The following ABCA12 variants were observed in gnomAD, a reference collection of about 807,000 sequenced individuals.
The protein encoded by ABCA12 is glucosylceramide transporter ABCA12.
In ABCA12, 156 loss-of-function variants were observed where a neutral mutation model predicts 293.5. The ratio of observed to expected loss-of-function variants is 0.53; its 90% confidence interval spans 0.47 to 0.61. The LOEUF is 0.61. Ranked by LOEUF, ABCA12 falls within the 20% of genes least tolerant of loss-of-function variation. The pLI, the probability that ABCA12 is intolerant of heterozygous loss-of-function variation, is 0.00. For missense variants in ABCA12, 2,797 were observed against 3,090.2 expected, an observed-to-expected ratio of 0.91 and a Z score of 2.25; for synonymous variants, 1,063 against 1,108.0, an observed-to-expected ratio of 0.96 and a Z score of 0.81.
chr2:214,956,539 C>T (rs1698953983), intron 42 of ABCA12, 124 bp downstream of exon 42: 4 of 695,330 alleles, frequency 5.8e-6, no homozygotes, highest in African/African-American at 5.4e-5. Context: ...TGTTGTTAGT[C>T]ATCACTCATG....
intron 2 of ABCA12, among the ~76,000 whole-genome samples, chr2:215,070,063 C>A (rs755010955): frequency 2.6e-5 from 4 of 152,202 alleles, no homozygotes; most frequent in Admixed American, 6.5e-5. Context: ...GACAAAGATT[C>A]AAATTGTATT....
intron 50 of ABCA12, among the ~76,000 whole-genome samples, chr2:214,941,723 T>G (rs1479973970): frequency 1.3e-5 from 2 of 152,132 alleles, no homozygotes; most frequent in Admixed American, 6.6e-5. Flanking sequence ...TTGTCTCTTT[T>G]GATCTTTGTT....
At chr2:215,009,219 C>G (rs1278538481) in intron 18 of ABCA12, among the ~76,000 whole-genome samples, 1 of 152,026 alleles carries the variant, frequency 6.6e-6, no homozygotes, top group African/African-American at 2.4e-5. Context: ...CAAACCAACA[C>G]AGGAATAGAA....
intron 2 of ABCA12, among the ~76,000 whole-genome samples, chr2:215,068,582 A>T (rs966352420): frequency 3.4e-5 from 5 of 147,196 alleles, no homozygotes; most frequent in Non-Finnish European, 7.5e-5. Context: ...TTTCTCCCCC[A>T]TCCTTCTTTT....
In ABCA12 at chr2:215,007,759, G is replaced by T. The variant is rs759472663; in HGVS notation, c.2560C>A (p.His854Asn). The T allele has an allele frequency of 1.2e-6, 2 of 1,613,914 alleles. No individual in the cohort carries two copies. Among genetic ancestry groups the T allele is most frequent in the Non-Finnish European group, 1.7e-6 (2 of 1,179,962 alleles). ...DKSPLFMNSF[H>N]LLNQAIPMLQ... The stretch of plus-strand genomic sequence containing the variant: ...ATTGGAATTGCCTGGTTTAACAGAT[G>T]GAAGGAATTCATGAAAAGTGGCGAC... The change falls in exon 19 of 53, where the codon CAT (histidine) becomes AAT (asparagine). Residue 854 changes from histidine to asparagine, a missense_variant. By Grantham distance (68) the His-to-Asn change is moderately conservative. Coordinates refer to ENST00000272895, the MANE Select transcript of ABCA12 (RefSeq NM_173076.3).
intron 49 of ABCA12, among the ~76,000 whole-genome samples, chr2:214,943,289 G>A (rs1011011510): frequency 1.1e-4 from 16 of 151,832 alleles, no homozygotes; most frequent in African/African-American, 3.1e-4. Flanking sequence ...AGATGTGCAC[G>A]ACATCTGGCT....
chr2:215,070,377 T>C (rs956234690), intron 2 of ABCA12, among the ~76,000 whole-genome samples: 3 of 152,102 alleles, frequency 2.0e-5, no homozygotes, highest in African/African-American at 7.2e-5. Flanking sequence ...ATCGTTCATC[T>C]TTTTTTTAAA....
Position 215,138,560 on chromosome 2 carries a change from A to T in ABCA12, c.-352T>A. On this transcript the variant is annotated 5_prime_UTR_variant, in exon 1 of 53. Coordinates refer to ENST00000272895, the MANE Select transcript of ABCA12 (RefSeq NM_173076.3). ...GCATCATTCAGATAATGCCTCACTG[A>T]AAAAAAAAAAAAAGCAGCAGCTGAA... 8.1e-6 allele frequency: 1 copy of T among 123,908 alleles called. No homozygotes were observed. Among genetic ancestry groups the T allele is most frequent in the Admixed American group, 7.6e-5 (1 of 13,086 alleles). The allele number at this position is 123,908 out of a possible 1,614,324, so 7.7% of individuals were successfully genotyped here.
intron 1 of ABCA12, among the ~76,000 whole-genome samples, chr2:215,134,366 G>GTACA (rs1553550827): frequency 1.7e-4 from 20 of 120,880 alleles, no homozygotes; most frequent in South Asian, 4.8e-4. Context: ...ATGTATATGT[G>GTACA]TATATATGTA....
At chr2:214,956,823 T>G in intron 41 of ABCA12, 45 bp from the exon 42 acceptor site, 1 of 1,390,226 alleles carries the variant, frequency 7.2e-7, no homozygotes, top group Non-Finnish European at 1.0e-6. Flanking sequence ...ACAAGCATTT[T>G]TCAAAAAAAA....
intron 1 of ABCA12, among the ~76,000 whole-genome samples, chr2:215,125,227 C>T (rs944199569): frequency 6.6e-6 from 1 of 152,144 alleles, no homozygotes; most frequent in African/African-American, 2.4e-5. Flanking sequence ...AGCTTGAAAT[C>T]AGGTAGTGTG....
In ABCA12 at chr2:214,983,868, G is replaced by A; in HGVS notation, c.4164-3C>T. 1 of 1,612,988 alleles carries A rather than the reference G, an allele frequency of 6.2e-7. No homozygotes were observed. Among genetic ancestry groups the A allele is most frequent in the Non-Finnish European group, 8.5e-7 (1 of 1,179,444 alleles). On this transcript the variant is annotated splice_polypyrimidine_tract_variant and splice_region_variant and intron_variant, in intron 28 of 52. Transcript: ENST00000272895. ...CAAACAGCCCAGTTAACATGGAACT[G>A]GAAATGAAGAAATGATAAATTAGGT...
intron 28 of ABCA12, among the ~76,000 whole-genome samples, chr2:214,984,771 G>A (rs903659837): frequency 1.1e-4 from 17 of 152,014 alleles, no homozygotes; most frequent in African/African-American, 3.9e-4. Context: ...CCATCTCACC[G>A]TTTTCACAGC....
intron 19 of ABCA12, 37 bp from the exon 20 acceptor site, chr2:215,004,336 GA>G: frequency 6.7e-7 from 1 of 1,494,302 alleles, no homozygotes; most frequent in Non-Finnish European, 9.3e-7. Context: ...TTCAATACAA[GA>G]AAAATCATGT....
intron 47 of ABCA12, among the ~76,000 whole-genome samples, chr2:214,948,297 C>T (rs1376196296): frequency 6.6e-6 from 1 of 152,200 alleles, no homozygotes; most frequent in Non-Finnish European, 1.5e-5. Flanking sequence ...CCACCCAGTG[C>T]TCAGCCCAGA....
chr2:215,064,281 T>A, intron 2 of ABCA12, 62 bp from the exon 3 acceptor site: 1 of 1,544,350 alleles, frequency 6.5e-7, no homozygotes, highest in Non-Finnish European at 8.9e-7. Context: ...AGAACATAAA[T>A]GCAGTAACTC....
At chr2:214,939,617 G>T (rs1254087671) in intron 50 of ABCA12, among the ~76,000 whole-genome samples, 2 of 152,086 alleles carry the variant, frequency 1.3e-5, no homozygotes, top group Non-Finnish European at 2.9e-5. Context: ...TTTTCCATTT[G>T]TTTGTGTCCT....
chr2:214,975,087 C>T (rs564132218), intron 34 of ABCA12, among the ~76,000 whole-genome samples: 1 of 152,164 alleles, frequency 6.6e-6, no homozygotes, highest in East Asian at 1.9e-4. Context: ...ACCTCAGACA[C>T]CCGAATTGCT....
chr2:215,093,375 C>A (rs114580025), intron 2 of ABCA12, among the ~76,000 whole-genome samples: 2,736 of 152,226 alleles, frequency 0.018, 96 homozygotes, highest in African/African-American at 0.063. Flanking sequence ...ACCTGGCTGA[C>A]CCCATAAATC....
Sources: allele counts gnomAD v4.1 joint callset (sites outside exome capture counted in the v4.1 genomes callset), GRCh38; gene constraint gnomAD v4.1.1; transcripts MANE v1.5; gene names NCBI Gene and HGNC (gene_info 2026-07-23, HGNC 2026-07-21).